The following APBA2 variants were observed in gnomAD, a reference collection of about 807,000 sequenced individuals.
APBA2 encodes amyloid-beta A4 precursor protein-binding family A member 2.
APBA2 carries 30 observed loss-of-function variants against 75.0 expected under a neutral mutation model. The ratio of observed to expected loss-of-function variants is 0.40; its 90% CI spans 0.30 to 0.54. The LOEUF (loss-of-function observed/expected upper bound fraction) is 0.54, where lower values mean the gene tolerates loss of function less well. Ranked by LOEUF, APBA2 falls within the 20% of genes least tolerant of loss-of-function variation. APBA2 has a pLI of 0.49. For synonymous variants in APBA2, 444 were observed against 409.6 expected, an observed-to-expected ratio of 1.08 and a Z score of -1.01; for missense variants, 801 against 1,016.1, an observed-to-expected ratio of 0.79 and a Z score of 2.88.
chr15:28,929,247 G>A (rs1181825735), intron 2 of APBA2, among the ~76,000 whole-genome samples: 1 of 152,162 alleles, frequency 6.6e-6, no homozygotes, highest in Non-Finnish European at 1.5e-5. Flanking sequence ...GAGTGTCAGT[G>A]TTCCCTTGCG....
At chr15:28,926,857 C>T (rs12591241) in intron 2 of APBA2, among the ~76,000 whole-genome samples, 37,746 of 126,346 alleles carry the variant, frequency 0.3, 10,059 homozygotes, top group African/African-American at 0.74. Context: ...CTCTCTCTCT[C>T]TTTTTTTTTT....
chr15:28,892,550 T>C (rs2152610338), intron 1 of APBA2, among the ~76,000 whole-genome samples: 1 of 151,850 alleles, frequency 6.6e-6, no homozygotes, highest in Non-Finnish European at 1.5e-5. Flanking sequence ...TAAAGTATGC[T>C]CTATGATGTT....
chr15:29,074,569 A>G (rs73370226), intron 4 of APBA2, among the ~76,000 whole-genome samples: 9,900 of 152,214 alleles, frequency 0.065, 862 homozygotes, highest in African/African-American at 0.2. Flanking sequence ...AGAGGAAGAC[A>G]TTCTGAAGGT....
At chr15:28,907,678 G>A (rs2033200105) in intron 1 of APBA2, among the ~76,000 whole-genome samples, 1 of 152,220 alleles carries the variant, frequency 6.6e-6, no homozygotes, top group Non-Finnish European at 1.5e-5. Flanking sequence ...TGCTTGGGAA[G>A]TGTAGAGCTT....
intron 8 of APBA2, among the ~76,000 whole-genome samples, chr15:29,098,109 C>T (rs1281949661): frequency 6.6e-6 from 1 of 152,196 alleles, no homozygotes; most frequent in Non-Finnish European, 1.5e-5. Context: ...CTGCCGTGAG[C>T]ATGGGAGTGC....
intron 2 of APBA2, among the ~76,000 whole-genome samples, chr15:28,949,575 C>T (rs1418394406): frequency 6.6e-6 from 1 of 152,140 alleles, no homozygotes. Flanking sequence ...CTCAAGCGAT[C>T]CTCCCACCTC....
At chr15:29,048,407 C>T (rs2041443259) in intron 3 of APBA2, among the ~76,000 whole-genome samples, 1 of 152,162 alleles carries the variant, frequency 6.6e-6, no homozygotes, top group Non-Finnish European at 1.5e-5. Flanking sequence ...GCCAAAATTT[C>T]AGTGGAATAT....
rs145675077 is a variant in APBA2, at chr15:29,107,850, G to A, written c.1918-420G>A. Reference sequence around the variant, plus strand: ...AGGAGGTCCGTCCTTGGAGGGCATTGGGTTTTGAGGAAGGTGTCTCCACAT... The same window carrying A: ...AGGAGGTCCGTCCTTGGAGGGCATTAGGTTTTGAGGAAGGTGTCTCCACAT... On this transcript the variant is annotated intron_variant, in intron 12 of 14. Transcript: ENST00000683413. Among the ~76,000 whole-genome samples the A allele has an allele frequency of 8.8e-4, 134 of 152,324 alleles. 1 individual carries two copies. In the East Asian group the frequency reaches 0.023, roughly 27 times the overall value.
chr15:28,932,106 T>A (rs1595488661), intron 2 of APBA2, among the ~76,000 whole-genome samples: 1 of 152,172 alleles, frequency 6.6e-6, no homozygotes, highest in Non-Finnish European at 1.5e-5. Context: ...TCACTGTCTC[T>A]GCTTTGGTAA....
intron 13 of APBA2, 78 bp downstream of exon 13, chr15:29,108,467 G>T (rs749531387): frequency 1.9e-6 from 3 of 1,607,864 alleles, no homozygotes; most frequent in East Asian, 4.5e-5. Context: ...GTCCAATGGG[G>T]CAGGCTATGT....
In APBA2 at chr15:28,934,356, A is replaced by T. The variant is rs75259940; in HGVS notation, c.-95+12607A>T. Among the ~76,000 whole-genome samples the T allele has an allele frequency of 2.6e-3, 392 of 152,266 alleles. 2 individuals carry two copies. Among genetic ancestry groups the T allele is most frequent in the African/African-American group, 9.0e-3 (374 of 41,554 alleles). ...CTCAGTGTGGGTTCTGATTGGGCTAAGTAGGTGCCCATCTGCCTGGAGTCC... is the reference window on the plus strand; with the variant it reads ...CTCAGTGTGGGTTCTGATTGGGCTATGTAGGTGCCCATCTGCCTGGAGTCC... On this transcript the variant is annotated intron_variant, in intron 2 of 14. Transcript: ENST00000683413.
At chr15:28,896,166 G>A (rs1312756321) in intron 1 of APBA2, among the ~76,000 whole-genome samples, 5 of 152,210 alleles carry the variant, frequency 3.3e-5, no homozygotes, top group Non-Finnish European at 7.3e-5. Context: ...GGGGTTGGGG[G>A]TGGAGAGCAC....
At chr15:29,107,036 G>A (rs937184628) in intron 12 of APBA2, among the ~76,000 whole-genome samples, 2 of 152,236 alleles carry the variant, frequency 1.3e-5, no homozygotes, top group African/African-American at 4.8e-5. Flanking sequence ...GGGCTGGCCT[G>A]GGGTGGGAAG....
Position 28,901,749 on chromosome 15 carries a change from A to G in APBA2, c.-205+15471A>G, listed in dbSNP as rs1345552838. 3.9e-5 allele frequency among the ~76,000 whole-genome samples: 6 copies of G among 152,002 alleles called. No homozygotes were observed. In the East Asian group the frequency reaches 9.7e-4, roughly 25 times the overall value. ...CTGTGGCCAGAGACTCTCCCTGCCCATGTTGGCCTGTGGACTGCTGCCTGG... is the reference window on the plus strand; with the variant it reads ...CTGTGGCCAGAGACTCTCCCTGCCCGTGTTGGCCTGTGGACTGCTGCCTGG... On this transcript the variant is annotated intron_variant, in intron 1 of 14. Transcript: ENST00000683413.
chr15:28,994,433 C>T (rs571487768), intron 2 of APBA2, among the ~76,000 whole-genome samples: 28 of 152,196 alleles, frequency 1.8e-4, no homozygotes, highest in Non-Finnish European at 3.7e-4. Context: ...ACAGAACAGG[C>T]CGTGAAAAGC....
intron 3 of APBA2, among the ~76,000 whole-genome samples, chr15:29,035,744 A>C (rs2040715464): frequency 6.6e-6 from 1 of 152,146 alleles, no homozygotes; most frequent in African/African-American, 2.4e-5. Flanking sequence ...TCCCCTGGGC[A>C]TGTGTGAGCA....
intron 10 of APBA2, 92 bp downstream of exon 10, chr15:29,101,876 G>A (rs2044146657): frequency 2.3e-6 from 3 of 1,305,708 alleles, no homozygotes; most frequent in African/African-American, 1.5e-5. Context: ...ACCCTCAGGT[G>A]GAAAGCCTCC....
intron 4 of APBA2, among the ~76,000 whole-genome samples, chr15:29,061,194 G>A (rs2042116864): frequency 6.6e-6 from 1 of 152,174 alleles, no homozygotes; most frequent in Admixed American, 6.5e-5. Flanking sequence ...AGGGTTTGGC[G>A]AGGGCTGGAC....
chr15:28,979,717 G>A (rs1432625179), intron 2 of APBA2, among the ~76,000 whole-genome samples: 1 of 152,198 alleles, frequency 6.6e-6, no homozygotes, highest in East Asian at 1.9e-4. Flanking sequence ...GGGCAGCCAA[G>A]TTGGGGGTGA....
Sources: allele counts gnomAD v4.1 joint callset (sites outside exome capture counted in the v4.1 genomes callset), GRCh38; gene constraint gnomAD v4.1.1; transcripts MANE v1.5; gene names NCBI Gene and HGNC (gene_info 2026-07-23, HGNC 2026-07-21).